PARD3B: variants seen among roughly 807,000 people sequenced by gnomAD.
PARD3B encodes the protein par-3 family cell polarity regulator beta, also known as partitioning defective 3 homolog B.
PARD3B carries 103 observed loss-of-function variants against 130.2 expected under a neutral mutation model. The observed-to-expected ratio is 0.79, with a 90% CI of 0.67 to 0.93. The LOEUF is 0.93. PARD3B is among the 40% of genes least tolerant of loss of function. The probability of loss-of-function intolerance (pLI) is 0.00; values close to 1 mark genes in which losing one functional copy is unlikely to be tolerated. For missense variants in PARD3B, 1,609 were observed against 1,499.2 expected (o/e 1.07, Z -1.21); for synonymous variants, 583 against 553.2 (o/e 1.05, Z -0.76).
intron 19 of PARD3B, among the ~76,000 whole-genome samples, chr2:205,417,570 T>G (rs1041231553): frequency 1.3e-5 from 2 of 152,200 alleles, no homozygotes; most frequent in Non-Finnish European, 2.9e-5. Flanking sequence ...GAACCTTTAT[T>G]TTCAGGAGGA....
chr2:204,828,020 A>C (rs1255856202), intron 2 of PARD3B, among the ~76,000 whole-genome samples: 1 of 141,196 alleles, frequency 7.1e-6, no homozygotes, highest in Non-Finnish European at 1.5e-5. Context: ...AATCCAGTTC[A>C]ACCCAGGGGA....
intron 1 of PARD3B, among the ~76,000 whole-genome samples, chr2:204,613,791 G>T (rs138855278): frequency 1.8e-3 from 274 of 152,040 alleles, no homozygotes; most frequent in Middle Eastern, 0.01. Flanking sequence ...TTCTCTGAGG[G>T]TATAAAAGTC....
Position 205,366,438 on chromosome 2 carries a change from A to G in PARD3B, c.2631-34575A>G, listed in dbSNP as rs1370985210. ...TTGTTCTCTCAGTGGTTATTACAGC[A>G]GCTTATATTTATGAAGTGTCTTTTT... On this transcript the variant is annotated intron_variant, in intron 18 of 22. Coordinates refer to ENST00000406610, the MANE Select transcript of PARD3B (RefSeq NM_001302769.2). The surrounding 1 kb of genome is among the most constrained non-coding windows in gnomAD (Gnocchi z 5.0). Among the ~76,000 whole-genome samples, 1 of 152,182 alleles carries G rather than the reference A, an allele frequency of 6.6e-6. No homozygotes were observed. The highest frequency in any genetic ancestry group is 1.5e-5 in the Non-Finnish European group (1 of 68,034).
chr2:205,245,635 G>T (rs1017145227), intron 15 of PARD3B, 143 bp from the exon 16 acceptor site: 2 of 562,842 alleles, frequency 3.6e-6, no homozygotes, highest in East Asian at 3.0e-5. Flanking sequence ...GGTATCCCAG[G>T]GTAGGCTGGG....
In PARD3B at chr2:204,942,782, A is replaced by G. The variant is rs539755102; in HGVS notation, c.223-22370A>G. On this transcript the variant is annotated intron_variant, in intron 2 of 22. Coordinates refer to ENST00000406610, the MANE Select transcript of PARD3B (RefSeq NM_001302769.2). ...AGGAAATCCCTAAACTTATTTTCAT[A>G]CAGTGATTTTGACTTTTTTTGCAAT... is the stretch of plus-strand genomic sequence containing the variant. 4.6e-5 allele frequency among the ~76,000 whole-genome samples: 7 copies of G among 152,334 alleles called. No homozygotes were observed. In the East Asian group the frequency reaches 1.4e-3, roughly 29 times the overall value.
chr2:205,101,732 C>T (rs562799553), intron 4 of PARD3B, among the ~76,000 whole-genome samples: 1 of 152,232 alleles, frequency 6.6e-6, no homozygotes, highest in African/African-American at 2.4e-5. Flanking sequence ...TATGCTACAA[C>T]ATGGATGAGC....
In PARD3B at chr2:204,608,111, G is replaced by A. The variant is rs1368338683; in HGVS notation, c.120+61992G>A. Among the ~76,000 whole-genome samples, 8 of 152,180 alleles carry A rather than the reference G, an allele frequency of 5.3e-5. 1 individual carries two copies. The highest frequency in any genetic ancestry group is 3.9e-4 in the Admixed American group (6 of 15,270). On this transcript the variant is annotated intron_variant, in intron 1 of 22. Coordinates refer to ENST00000406610, the MANE Select transcript of PARD3B (RefSeq NM_001302769.2). The stretch of plus-strand genomic sequence containing the variant: ...TAGCTACTGCATAAATATCTGTGAT[G>A]ATAAAGAGTGGATGTATTGGTGGCT...
Position 205,158,726 on chromosome 2 carries a change from G to A in PARD3B, c.1439G>A (p.Gly480Glu), listed in dbSNP as rs1242309576. 2.5e-6 allele frequency: 4 copies of A among 1,609,544 alleles called. No individual in the cohort carries two copies. The East Asian group carries it at 8.9e-5, about 36-fold the overall frequency. ...EGHFLPRELK[G>E]EPDCCALSLE... ...TCATGTGTATTCCCCTAACAGAAAG[G>A]AGAACCTGACTGCTGTGCACTCTCT... Residue 480 changes from glycine (G) to glutamate (E), a missense_variant, in exon 11 of 23, where the codon GGA becomes GAA. Gly to Glu is a moderately conservative substitution (Grantham distance 98). Coordinates refer to ENST00000406610, the MANE Select transcript of PARD3B (RefSeq NM_001302769.2). This position sits in a 1 kb window ranked among gnomAD's most constrained non-coding sequence, Gnocchi z 5.4.
At chr2:204,729,133 C>CA (rs926876929) in intron 2 of PARD3B, among the ~76,000 whole-genome samples, 1 of 152,148 alleles carries the variant, frequency 6.6e-6, no homozygotes, top group African/African-American at 2.4e-5. Flanking sequence ...GTTGATAATG[C>CA]AAAAGAGCAC....
intron 18 of PARD3B, among the ~76,000 whole-genome samples, chr2:205,337,543 A>G (rs1308711401): frequency 6.6e-6 from 1 of 152,154 alleles, no homozygotes; most frequent in Non-Finnish European, 1.5e-5. Context: ...ATGCTCTTTG[A>G]CTTTTTGGTT....
Position 205,527,912 on chromosome 2 carries a change from T to C in PARD3B, c.3181-25412T>C, listed in dbSNP as rs540579563. On this transcript the variant is annotated intron_variant, in intron 21 of 22. Coordinates refer to ENST00000406610, the MANE Select transcript of PARD3B (RefSeq NM_001302769.2). Reference sequence around the variant, plus strand: ...CCTAGTCCTCATCTCACTACATTTTTCAATTAGCTGATGACACCTACATGA... The same window carrying C: ...CCTAGTCCTCATCTCACTACATTTTCCAATTAGCTGATGACACCTACATGA... Among the ~76,000 whole-genome samples, 7 of 152,284 alleles carry C rather than the reference T, an allele frequency of 4.6e-5. No homozygotes were observed. In the East Asian group the frequency reaches 1.4e-3, roughly 29 times the overall value.
chr2:205,181,659 C>T (rs1249505614), intron 13 of PARD3B, among the ~76,000 whole-genome samples: 1 of 152,196 alleles, frequency 6.6e-6, no homozygotes, highest in African/African-American at 2.4e-5. Context: ...GACCTGTTGT[C>T]TAAAGTTACA....
At chr2:205,302,020 C>T (rs2042020649) in intron 18 of PARD3B, 8 of 602,656 alleles carry the variant, frequency 1.3e-5, no homozygotes, top group Non-Finnish European at 2.1e-5. Context: ...CAAGACCAGC[C>T]TGGGCAAGGT....
intron 4 of PARD3B, among the ~76,000 whole-genome samples, chr2:205,056,679 A>G (rs1480127833): frequency 2.6e-5 from 4 of 152,032 alleles, no homozygotes; most frequent in Admixed American, 1.3e-4. Flanking sequence ...ATATTTCTCA[A>G]CAGATTTTTC....
In PARD3B at chr2:205,431,546, C is replaced by T. The variant is rs534563061; in HGVS notation, c.2742-8824C>T. Among the ~76,000 whole-genome samples the T allele has an allele frequency of 4.5e-4, 69 of 151,748 alleles. 1 individual carries two copies. The highest frequency in any genetic ancestry group is 1.4e-3 in the African/African-American group (57 of 41,356). On this transcript the variant is annotated intron_variant, in intron 19 of 22. Coordinates refer to ENST00000406610, the MANE Select transcript of PARD3B (RefSeq NM_001302769.2). Reference sequence around the variant, plus strand: ...GTGCAGTGGCGCTATCTCTGCTCACCGCAAGCTCTGCCTCCCCGGTTCTTG... The same window carrying T: ...GTGCAGTGGCGCTATCTCTGCTCACTGCAAGCTCTGCCTCCCCGGTTCTTG...
chr2:205,201,335 A>C lies in PARD3B; in HGVS notation c.2140+8015A>C, dbSNP rs1385950783. ...ACAAGTTTTGAAATCGAAAAGGATA[A>C]CAGTGATGGAAAACGGAATTCTGGT... On this transcript the variant is annotated intron_variant, in intron 15 of 22. Transcript: ENST00000406610. Among the ~76,000 whole-genome samples the C allele has an allele frequency of 2.6e-5, 4 of 152,308 alleles. No individual in the cohort carries two copies. In the South Asian group the frequency reaches 8.3e-4, roughly 32 times the overall value.
chr2:204,981,360 A>T (rs560699782), intron 3 of PARD3B, among the ~76,000 whole-genome samples: 2 of 152,348 alleles, frequency 1.3e-5, no homozygotes, highest in East Asian at 3.9e-4. Context: ...GTGTATGCAT[A>T]CAATGGAATA....
At chr2:205,060,391 A>G (rs1699998203) in intron 4 of PARD3B, among the ~76,000 whole-genome samples, 1 of 152,148 alleles carries the variant, frequency 6.6e-6, no homozygotes, top group African/African-American at 2.4e-5. Context: ...GCAGGCATTT[A>G]AGACATTCAT....
chr2:205,218,468 T>C (rs2038066116), intron 15 of PARD3B, among the ~76,000 whole-genome samples: 1 of 152,180 alleles, frequency 6.6e-6, no homozygotes, highest in Non-Finnish European at 1.5e-5. Flanking sequence ...TTAAAAAATA[T>C]CAATTGCAAA....
Sources: gnomAD v4.1 joint callset for allele counts (sites outside exome capture counted in the v4.1 genomes callset) on GRCh38, gnomAD v4.1.1 for gene constraint, Gnocchi (gnomAD v3.1) non-coding constraint, MANE v1.5 for transcripts, NCBI Gene and HGNC (gene_info 2026-07-23, HGNC 2026-07-21) for gene names.